UBQLN3: variants seen among roughly 807,000 people sequenced by gnomAD.
UBQLN3 encodes ubiquilin-3.
In UBQLN3, 1 loss-of-function variant was observed where a neutral mutation model predicts 2.9. The observed-to-expected ratio is 0.35, with a 90% confidence interval of 0.12 to 1.66. The LOEUF (loss-of-function observed/expected upper bound fraction) is 1.66. Among genes scored for constraint, UBQLN3 ranks in the 40% most tolerant of loss-of-function variants. The pLI, the probability that UBQLN3 is intolerant of heterozygous loss-of-function variation, is 0.35. For synonymous variants in UBQLN3, 358 were observed against 317.6 expected, an observed-to-expected ratio of 1.13 and a Z score of -1.35; for missense variants, 924 against 816.5, an observed-to-expected ratio of 1.13 and a Z score of -1.61.
Position 5,508,430 on chromosome 11 carries a change from C to G in UBQLN3, c.1129G>C (p.Val377Leu). Residue 377 changes from valine (V) to leucine (L), a missense_variant, in exon 2 of 2, where the codon GTA becomes CTA. Val to Leu is a conservative substitution (Grantham distance 32). Transcript: ENST00000311659. This position sits in a 1 kb window ranked among gnomAD's most constrained non-coding sequence, Gnocchi z 4.2. ...LSQSQEPPPS[V>L]NRVPPSSPSS... is the part of the protein sequence containing the mutation. ...GGTGACGATGGGGGAACTCTGTTTA[C>G]TGATGGTGGTGGTTCCTGGCTTTGG... 1.2e-6 allele frequency: 2 copies of G among 1,605,220 alleles called. No homozygotes were observed. The highest frequency in any genetic ancestry group is 1.3e-5 in the African/African-American group (1 of 74,674).
Position 5,508,176 on chromosome 11 carries a change from AG to A in UBQLN3, c.1382del (p.Ser461PhefsTer26), listed in dbSNP as rs1564837065. 6.2e-7 allele frequency: 1 copy of A among 1,614,130 alleles called. No individual in the cohort carries two copies. The highest frequency in any genetic ancestry group is 1.1e-5 in the South Asian group (1 of 91,070). On this transcript the variant is annotated frameshift_variant, in exon 2 of 2. Transcript: ENST00000311659. LOFTEE classifies it low-confidence loss of function (END_TRUNC). This position sits in a 1 kb window ranked among gnomAD's most constrained non-coding sequence, Gnocchi z 4.2. ...CAGGAATGGCTGCCGTGGGGGAAAA[AG>A]ATAAGGGAGCAAATGGAACCCTGTT... ...SANRVPFAPL[S>X]FSPTAAIPGI...
rs765341407 is a variant in UBQLN3 at position 5,508,198 on chromosome 11, C to T, written c.1361G>A (p.Arg454Lys). The T allele has an allele frequency of 4.8e-5, 77 of 1,614,056 alleles. 1 individual carries two copies. In the South Asian group the frequency reaches 5.9e-4, roughly 12 times the overall value. ...LVSGLGDSANRVPFAPLSFSP... is the reference protein window; with the variant it reads ...LVSGLGDSANKVPFAPLSFSP... ...AAAAGATAAGGGAGCAAATGGAACC[C>T]TGTTGGCAGAATCTCCCAGCCCCGA... Residue 454 changes from arginine (R) to lysine (K), a missense_variant, in exon 2 of 2, where the codon AGG (arginine) becomes AAG (lysine). By Grantham distance (26) the Arg-to-Lys change is conservative. Coordinates refer to ENST00000311659, the MANE Select transcript of UBQLN3 (RefSeq NM_017481.4). The surrounding 1 kb of genome is among the most constrained non-coding windows in gnomAD (Gnocchi z 4.2).
chr11:5,508,031 G>A lies in UBQLN3; in HGVS notation c.1528C>T (p.His510Tyr). The A allele has an allele frequency of 6.2e-7, 1 of 1,614,134 alleles. No individual in the cohort carries two copies. The highest frequency in any genetic ancestry group is 8.5e-7 in the Non-Finnish European group (1 of 1,180,050). Reference sequence around the variant, plus strand: ...GGGTTTGCCATGGCTGCCTGAAGGTGCATCAGCAGTGGCAGCTGTGGTTGT... The same window carrying A: ...GGGTTTGCCATGGCTGCCTGAAGGTACATCAGCAGTGGCAGCTGTGGTTGT... ...EIQPQLPLLM[H>Y]LQAAMANPRA... The change falls in exon 2 of 2, where the codon CAC becomes TAC. Residue 510 changes from histidine (H) to tyrosine (Y), a missense_variant. Transcript: ENST00000311659. The surrounding 1 kb of genome is among the most constrained non-coding windows in gnomAD (Gnocchi z 4.2).
In UBQLN3 at chr11:5,508,155, A is replaced by T; in HGVS notation, c.1404T>A (p.Ile468=). The T allele has an allele frequency of 6.2e-7, 1 of 1,614,162 alleles. No individual in the cohort carries two copies. The highest frequency in any genetic ancestry group is 8.5e-7 in the Non-Finnish European group (1 of 1,180,026). ...APLSFSPTAA[I]PGIPEPPWLP... ...GCCAGGGAGGCTCAGGGATTCCAGG[A>T]ATGGCTGCCGTGGGGGAAAAAGATA... The change falls in exon 2 of 2, where the codon ATT becomes ATA. Residue 468 remains isoleucine, a synonymous_variant. Coordinates refer to ENST00000311659, the MANE Select transcript of UBQLN3 (RefSeq NM_017481.4). The surrounding 1 kb of genome is among the most constrained non-coding windows in gnomAD (Gnocchi z 4.2).
chr11:5,509,660 G>A (rs1846444907), intron 1 of UBQLN3, 66 bp from the exon 2 acceptor site: 1 of 1,471,942 alleles, frequency 6.8e-7, no homozygotes, highest in Non-Finnish European at 9.0e-7. Flanking sequence ...GGAAGGGTGA[G>A]TATGAAAAGG....
At position 5,508,942 on chromosome 11, in the gene UBQLN3, T is replaced by A; in HGVS notation, c.617A>T (p.Glu206Val). The change falls in exon 2 of 2, where the codon GAG (glutamate) becomes GTG (valine). Residue 206 changes from glutamate (E) to valine (V), a missense_variant. By Grantham distance (121) the Glu-to-Val change is moderately radical. Transcript: ENST00000311659. This position sits in a 1 kb window ranked among gnomAD's most constrained non-coding sequence, Gnocchi z 4.2. ...HMQQLIQHNPEIGHILNNPEI... is the reference protein window; with the variant it reads ...HMQQLIQHNPVIGHILNNPEI... ...CGGGTTGTTAAGAATATGCCCAATC[T>A]CAGGGTTGTGCTGGATCAGCTGCTG... 6.2e-7 allele frequency: 1 copy of A among 1,614,132 alleles called. No homozygotes were observed.
chr11:5,508,250 G>T lies in UBQLN3; in HGVS notation c.1309C>A (p.His437Asn). The stretch of plus-strand genomic sequence containing the variant: ...ACAAGATCAGGCAAGTTTGTGCTAT[G>T]TCCAGTAGAGCTTTTCCCTGCACCA... ...QDGAGKSSTGHSTNLPDLVSG... is the reference protein window; with the variant it reads ...QDGAGKSSTGNSTNLPDLVSG... Residue 437 changes from histidine (H) to asparagine (N), a missense_variant, in exon 2 of 2, where the codon CAT becomes AAT. Physicochemically the swap from His to Asn is moderately conservative, Grantham distance 68 (BLOSUM62 1). Transcript: ENST00000311659. This position sits in a 1 kb window ranked among gnomAD's most constrained non-coding sequence, Gnocchi z 4.2. The T allele has an allele frequency of 6.2e-7, 1 of 1,614,194 alleles. No homozygotes were observed. Among genetic ancestry groups the T allele is most frequent in the Non-Finnish European group, 8.5e-7 (1 of 1,180,026 alleles).
chr11:5,509,672 T>A lies in UBQLN3; in HGVS notation c.-36-78A>T, dbSNP rs548848801. The A allele has an allele frequency of 3.0e-5, 43 of 1,449,810 alleles. No homozygotes were observed. The African/African-American group carries it at 6.0e-4, about 20-fold the overall frequency. The allele number at this position is 1,449,810 out of a possible 1,614,324, so 89.8% of individuals were successfully genotyped here. On this transcript the variant is annotated intron_variant, in intron 1 of 1. Transcript: ENST00000311659. ...GTAGGAAGGGTGAGTATGAAAAGGG[T>A]CTTGAATATCAGGATAGGGAAATCT...
rs201719446 is a variant in UBQLN3, at chr11:5,508,907, G to T, written c.652C>A (p.Arg218=). ...GHILNNPEIM[R]QTLEFLRNPA... ...TTACGTAAAAACTCCAGTGTCTGCC[G>T]CATAATTTCCGGGTTGTTAAGAATA... Residue 218 remains arginine, a synonymous_variant, in exon 2 of 2, where the codon CGG becomes AGG. Coordinates refer to ENST00000311659, the MANE Select transcript of UBQLN3 (RefSeq NM_017481.4). This position sits in a 1 kb window ranked among gnomAD's most constrained non-coding sequence, Gnocchi z 4.2. 5.6e-5 allele frequency: 91 copies of T among 1,614,144 alleles called. 1 individual carries two copies. In the South Asian group the frequency reaches 8.7e-4, roughly 15 times the overall value.
At position 5,507,862 on chromosome 11, in the gene UBQLN3, A is replaced by G. The variant is rs1219888701; in HGVS notation, c.1697T>C (p.Leu566Pro). The part of the protein sequence containing the change: ...AGGIESREDP[L>P]MSEDPLPNPP... ...ATTTGGGAGAGGATCCTCAGACATAAGGGGATCTTCTCTAGACTCTATACC... is the reference window on the plus strand; with the variant it reads ...ATTTGGGAGAGGATCCTCAGACATAGGGGGATCTTCTCTAGACTCTATACC... The change falls in exon 2 of 2, where the codon CTT becomes CCT. Residue 566 changes from leucine to proline, a missense_variant. Transcript: ENST00000311659. The G allele has an allele frequency of 3.1e-6, 5 of 1,613,718 alleles. No homozygotes were observed. The highest frequency in any genetic ancestry group is 1.6e-4 in the Middle Eastern group (1 of 6,084).
At position 5,507,399 on chromosome 11, in the gene UBQLN3, C is replaced by T. The variant is rs959327494; in HGVS notation, c.*192G>A. 2.3e-5 allele frequency: 28 copies of T among 1,198,566 alleles called. 1 individual carries two copies. In the Middle Eastern group the frequency reaches 7.7e-4, roughly 33 times the overall value. 74.2% of individuals were successfully genotyped at this position (1,198,566 alleles called of 1,614,324 possible). On this transcript the variant is annotated 3_prime_UTR_variant, in exon 2 of 2. Transcript: ENST00000311659. ...TATAGTGGTACAAGTGGTTGACTCA[C>T]ACACAGCACCTCCACTATGTTTTGG... is the stretch of plus-strand genomic sequence containing the variant.
chr11:5,507,962 C>T lies in UBQLN3; in HGVS notation c.1597G>A (p.Val533Ile), dbSNP rs2234454. The T allele has an allele frequency of 4.6e-4, 735 of 1,614,038 alleles. 6 individuals are homozygous for T. In the East Asian group the frequency reaches 0.016, roughly 35 times the overall value. ...AGGCGAGGTGCTTCAGTAGCTAGGA[C>T]CTGTAGACCCTGCTCAATCTGCCGC... is the stretch of plus-strand genomic sequence containing the variant. ...ALRQIEQGLQ[V>I]LATEAPRLLL... Residue 533 changes from valine (V) to isoleucine (I), a missense_variant, in exon 2 of 2, where the codon GTC becomes ATC. Val to Ile is a conservative substitution (Grantham distance 29, BLOSUM62 3). Transcript: ENST00000311659.
Position 5,508,003 on chromosome 11 carries a change from C to G in UBQLN3, c.1556G>C (p.Arg519Pro), listed in dbSNP as rs187757715. The change falls in exon 2 of 2, where the codon CGT becomes CCT. Residue 519 changes from arginine to proline, a missense_variant. Arg to Pro is a moderately radical substitution (Grantham distance 103). Coordinates refer to ENST00000311659, the MANE Select transcript of UBQLN3 (RefSeq NM_017481.4). The surrounding 1 kb of genome is among the most constrained non-coding windows in gnomAD (Gnocchi z 4.2). Reference protein sequence around the residue: ...MHLQAAMANPRALQALRQIEQ... With the variant: ...MHLQAAMANPPALQALRQIEQ... ...AATCTGCCGCAGGGCTTGCAGGGCA[C>G]GGGGGTTTGCCATGGCTGCCTGAAG... is the stretch of plus-strand genomic sequence containing the variant. The G allele has an allele frequency of 6.2e-7, 1 of 1,614,040 alleles. No homozygotes were observed. Among genetic ancestry groups the G allele is most frequent in the Non-Finnish European group, 8.5e-7 (1 of 1,180,028 alleles).
At position 5,509,388 on chromosome 11, in the gene UBQLN3, G is replaced by A. The variant is rs1158276146; in HGVS notation, c.171C>T (p.His57=). Residue 57 remains histidine (H), a synonymous_variant, in exon 2 of 2, where the codon CAC becomes CAT. Coordinates refer to ENST00000311659, the MANE Select transcript of UBQLN3 (RefSeq NM_017481.4). ...CAAAGATTAGAACAAGCTGATCGGGGTGGGCCTTAAAGCGCTGAGATATCT... is the reference window on the plus strand; with the variant it reads ...CAAAGATTAGAACAAGCTGATCGGGATGGGCCTTAAAGCGCTGAGATATCT... ...KEEISQRFKA[H]PDQLVLIFAG... 2.5e-6 allele frequency: 4 copies of A among 1,614,082 alleles called. No homozygotes were observed. Among genetic ancestry groups the A allele is most frequent in the Non-Finnish European group, 2.5e-6 (3 of 1,180,030 alleles).
rs745647835 is a variant in UBQLN3 at position 5,508,919 on chromosome 11, G to A, written c.640C>T (p.Pro214Ser). ...TCCAGTGTCTGCCGCATAATTTCCG[G>A]GTTGTTAAGAATATGCCCAATCTCA... is the stretch of plus-strand genomic sequence containing the variant. ...NPEIGHILNN[P>S]EIMRQTLEFL... Residue 214 changes from proline (P) to serine (S), a missense_variant, in exon 2 of 2, where the codon CCG becomes TCG. Transcript: ENST00000311659. The surrounding 1 kb of genome is among the most constrained non-coding windows in gnomAD (Gnocchi z 4.2). The A allele has an allele frequency of 5.0e-6, 8 of 1,614,184 alleles. No individual in the cohort carries two copies. Among genetic ancestry groups the A allele is most frequent in the South Asian group, 1.1e-5 (1 of 91,084 alleles).
chr11:5,508,081 G>A lies in UBQLN3; in HGVS notation c.1478C>T (p.Pro493Leu), dbSNP rs780535622. 2.5e-6 allele frequency: 4 copies of A among 1,614,124 alleles called. No individual in the cohort carries two copies. The East Asian group carries it at 8.9e-5, about 36-fold the overall frequency. ...PRSLRPDGMN[P>L]APQLQDEIQP... is the part of the protein sequence containing the mutation. ...TATCTCATCCTGTAACTGTGGAGCTGGATTCATGCCATCTGGCCTCAGAGA... is the reference window on the plus strand; with the variant it reads ...TATCTCATCCTGTAACTGTGGAGCTAGATTCATGCCATCTGGCCTCAGAGA... The change falls in exon 2 of 2, where the codon CCA (proline) becomes CTA (leucine). Residue 493 changes from proline (P) to leucine (L), a missense_variant. By Grantham distance (98) the Pro-to-Leu change is moderately conservative (BLOSUM62 -3). Transcript: ENST00000311659. This position sits in a 1 kb window ranked among gnomAD's most constrained non-coding sequence, Gnocchi z 4.2.
In UBQLN3 at chr11:5,508,067, G is replaced by T; in HGVS notation, c.1492C>A (p.Gln498Lys). 6.2e-7 allele frequency: 1 copy of T among 1,614,042 alleles called. No homozygotes were observed. Among genetic ancestry groups the T allele is most frequent in the East Asian group, 2.2e-5 (1 of 44,868 alleles). ...GGCAGCTGTGGTTGTATCTCATCCT[G>T]TAACTGTGGAGCTGGATTCATGCCA... is the stretch of plus-strand genomic sequence containing the variant. ...PDGMNPAPQL[Q>K]DEIQPQLPLL... The change falls in exon 2 of 2, where the codon CAG (glutamine) becomes AAG (lysine). Residue 498 changes from glutamine (Q) to lysine (K), a missense_variant. Transcript: ENST00000311659. The surrounding 1 kb of genome is among the most constrained non-coding windows in gnomAD (Gnocchi z 4.2).
Position 5,507,636 on chromosome 11 carries a change from C to A in UBQLN3, c.1923G>T (p.Thr641=), listed in dbSNP as rs146055311. ...CCACAGCAGCATCCACGTCGCCCCCCGTAGCAATGAGGGCCTGAAGATTGG... is the reference window on the plus strand; with the variant it reads ...CCACAGCAGCATCCACGTCGCCCCCAGTAGCAATGAGGGCCTGAAGATTGG... ...REANLQALIA[T]GGDVDAAVEK... Residue 641 remains threonine, a synonymous_variant, in exon 2 of 2, where the codon ACG becomes ACT. Transcript: ENST00000311659. 6.2e-7 allele frequency: 1 copy of A among 1,613,582 alleles called. No homozygotes were observed. Among genetic ancestry groups the A allele is most frequent in the Non-Finnish European group, 8.5e-7 (1 of 1,179,656 alleles).
Position 5,508,788 on chromosome 11 carries a change from C to A in UBQLN3, c.771G>T (p.Met257Ile). The A allele has an allele frequency of 6.2e-7, 1 of 1,614,194 alleles. No homozygotes were observed. Among genetic ancestry groups the A allele is most frequent in the Non-Finnish European group, 8.5e-7 (1 of 1,180,044 alleles). ...IPGGYNVLCT[M>I]YTDIMDPMLN... The stretch of plus-strand genomic sequence containing the variant: ...GCATTGGGTCCATAATATCTGTGTA[C>A]ATAGTGCAAAGCACATTGTAGCCAC... The change falls in exon 2 of 2, where the codon ATG becomes ATT. Residue 257 changes from methionine to isoleucine, a missense_variant. Met to Ile is a conservative substitution (Grantham distance 10). Transcript: ENST00000311659. The surrounding 1 kb of genome is among the most constrained non-coding windows in gnomAD (Gnocchi z 4.2).
Sources: allele counts gnomAD v4.1 joint callset, GRCh38; gene constraint gnomAD v4.1.1; non-coding constraint Gnocchi (gnomAD v3.1); transcripts MANE v1.5; gene names NCBI Gene and HGNC (gene_info 2026-07-23, HGNC 2026-07-21).